CDK8: variants seen among roughly 807,000 people sequenced by gnomAD.
CDK8 encodes the protein cyclin-dependent kinase 8.
CDK8 carries 29 observed loss-of-function variants against 71.5 expected under a neutral mutation model. That is an observed-to-expected ratio of 0.41 (90% confidence interval 0.30 to 0.55). The LOEUF (loss-of-function observed/expected upper bound fraction) is 0.55. CDK8 is among the 20% of genes least tolerant of loss of function. CDK8 has a pLI of 0.37. For missense variants in CDK8, 288 were observed against 572.6 expected, an observed-to-expected ratio of 0.50 and a Z score of 5.07; for synonymous variants, 161 against 192.1, an observed-to-expected ratio of 0.84 and a Z score of 1.34.
chr13:26,329,865 A>G (rs1367263254), intron 1 of CDK8, among the ~76,000 whole-genome samples: 2 of 152,078 alleles, frequency 1.3e-5, no homozygotes, highest in African/African-American at 4.8e-5. Context: ...ATTTTGTGGT[A>G]TGTTTAGTGA....
intron 4 of CDK8, among the ~76,000 whole-genome samples, chr13:26,363,331 A>AAAAAAAAAAAAAAAAG (rs1354078175): frequency 6.7e-6 from 1 of 148,978 alleles, no homozygotes; most frequent in East Asian, 2.0e-4. Context: ...CCATCTCAAA[A>AAAAAAAAAAAAAAAAG]AAAAAAAAAA....
chr13:26,264,730 C>G (rs1309169935), intron 1 of CDK8, among the ~76,000 whole-genome samples: 1 of 152,108 alleles, frequency 6.6e-6, no homozygotes, highest in Non-Finnish European at 1.5e-5. Context: ...CTCCTCCCTC[C>G]CCACTCACCC....
chr13:26,298,284 A>C (rs1873658497), intron 1 of CDK8, among the ~76,000 whole-genome samples: 1 of 152,092 alleles, frequency 6.6e-6, no homozygotes, highest in African/African-American at 2.4e-5. Flanking sequence ...GTACTAAGTA[A>C]TTATTGGGGA....
At chr13:26,390,618 A>G (rs944904633) in intron 6 of CDK8, among the ~76,000 whole-genome samples, 2 of 152,230 alleles carry the variant, frequency 1.3e-5, no homozygotes, top group Non-Finnish European at 2.9e-5. Flanking sequence ...AGTCTTACTG[A>G]AGTATGGACT....
At chr13:26,368,525 C>T (rs1025342958) in intron 4 of CDK8, among the ~76,000 whole-genome samples, 1 of 152,132 alleles carries the variant, frequency 6.6e-6, no homozygotes, top group Non-Finnish European at 1.5e-5. Context: ...TATCACACCA[C>T]GGAGGCTGAG....
chr13:26,276,020 G>A (rs1593232786), intron 1 of CDK8, among the ~76,000 whole-genome samples: 1 of 151,948 alleles, frequency 6.6e-6, no homozygotes, highest in African/African-American at 2.4e-5. Flanking sequence ...ATGCCACTAC[G>A]GCCAGCTAAT....
Position 26,356,729 on chromosome 13 carries a change from T to C in CDK8, c.456+2849T>C, listed in dbSNP as rs116258486. Among the ~76,000 whole-genome samples the C allele has an allele frequency of 5.2e-3, 788 of 152,350 alleles. 4 individuals are homozygous for C. The highest frequency in any genetic ancestry group is 0.018 in the African/African-American group (761 of 41,588). On this transcript the variant is annotated intron_variant, in intron 4 of 12. Coordinates refer to ENST00000381527, the MANE Select transcript of CDK8 (RefSeq NM_001260.3). ...GTATGTAGTAATATGATATTAACTC[T>C]CAAGAACATTGTTCAGAAGCTGTAT...
intron 1 of CDK8, among the ~76,000 whole-genome samples, chr13:26,286,365 T>A (rs1873020859): frequency 6.6e-6 from 1 of 152,156 alleles, no homozygotes; most frequent in Non-Finnish European, 1.5e-5. Context: ...GCCAAATACT[T>A]ACAGCCAACT....
chr13:26,326,626 GA>G (rs1172331150), intron 1 of CDK8, among the ~76,000 whole-genome samples: 7 of 152,166 alleles, frequency 4.6e-5, no homozygotes, highest in Admixed American at 2.0e-4. Flanking sequence ...AGATTCTTAA[GA>G]ATCTTTAGTT....
chr13:26,349,901 A>C (rs1318596646), intron 3 of CDK8, among the ~76,000 whole-genome samples: 6 of 152,218 alleles, frequency 3.9e-5, no homozygotes, highest in African/African-American at 1.4e-4. Context: ...GACTGCATAT[A>C]TGATAGTGGT....
chr13:26,403,896 T>C (rs893494006), intron 12 of CDK8, 60 bp from the exon 13 acceptor site: 1 of 1,587,606 alleles, frequency 6.3e-7, no homozygotes. Context: ...CAGTCACATA[T>C]TGGGATTGAG....
intron 1 of CDK8, among the ~76,000 whole-genome samples, chr13:26,322,846 T>C (rs1874842108): frequency 6.6e-6 from 1 of 152,218 alleles, no homozygotes; most frequent in Non-Finnish European, 1.5e-5. Context: ...CACTGTCAAA[T>C]ATCTATGTAA....
chr13:26,338,957 G>A (rs1327650916), intron 2 of CDK8, among the ~76,000 whole-genome samples: 1 of 108,808 alleles, frequency 9.2e-6, no homozygotes, highest in African/African-American at 3.6e-5. Context: ...TTGTTTATTA[G>A]TCTTTAACAA....
At chr13:26,270,319 G>A (rs1872246837) in intron 1 of CDK8, among the ~76,000 whole-genome samples, 1 of 151,716 alleles carries the variant, frequency 6.6e-6, no homozygotes, top group African/African-American at 2.4e-5. Context: ...AACCCAGGAG[G>A]TGGAGGTTGC....
At chr13:26,263,749 C>T (rs1357014069) in intron 1 of CDK8, among the ~76,000 whole-genome samples, 3 of 131,934 alleles carry the variant, frequency 2.3e-5, no homozygotes, top group East Asian at 4.7e-4. Context: ...AAAAGACTCC[C>T]TTTTTTTTTT....
At chr13:26,341,217 C>A (rs186484122) in intron 2 of CDK8, among the ~76,000 whole-genome samples, 5 of 152,268 alleles carry the variant, frequency 3.3e-5, no homozygotes, top group African/African-American at 1.2e-4. Context: ...ATCTCTGCCT[C>A]CCGGGTTCAA....
chr13:26,285,347 A>AT (rs1872958189), intron 1 of CDK8, among the ~76,000 whole-genome samples: 1 of 152,266 alleles, frequency 6.6e-6, no homozygotes. Context: ...GTAGTGATGA[A>AT]TTAACACATG....
At chr13:26,374,871 A>G (rs1193079137) in intron 4 of CDK8, among the ~76,000 whole-genome samples, 1 of 152,156 alleles carries the variant, frequency 6.6e-6, no homozygotes. Context: ...GTTAATACGT[A>G]TCAAGAAACC....
intron 4 of CDK8, among the ~76,000 whole-genome samples, chr13:26,380,197 A>G (rs1222780654): frequency 6.6e-6 from 1 of 151,984 alleles, no homozygotes; most frequent in Admixed American, 6.6e-5. Flanking sequence ...TTCTTTTTTT[A>G]TAGACTGAGT....
Sources: allele counts gnomAD v4.1 joint callset (sites outside exome capture counted in the v4.1 genomes callset), GRCh38; gene constraint gnomAD v4.1.1; transcripts MANE v1.5; gene names NCBI Gene and HGNC (gene_info 2026-07-23, HGNC 2026-07-21).